The following HNF4G variants were observed in gnomAD, a reference collection of about 807,000 sequenced individuals.
The protein encoded by HNF4G is hepatocyte nuclear factor 4 gamma.
Under a neutral mutation model 50.9 loss-of-function variants are expected in HNF4G, and 21 were observed. The observed-to-expected ratio is 0.41, with a 90% CI of 0.29 to 0.59. HNF4G has a LOEUF of 0.59. HNF4G is among the 20% of genes least tolerant of loss of function. HNF4G has a pLI of 0.26. For synonymous variants in HNF4G, 198 were observed against 185.6 expected, an observed-to-expected ratio of 1.07 and a Z score of -0.54; for missense variants, 527 against 559.4, an observed-to-expected ratio of 0.94 and a Z score of 0.58.
At chr8:75,414,468 C>A (rs1000736650) in intron 1 of HNF4G, among the ~76,000 whole-genome samples, 6 of 152,100 alleles carry the variant, frequency 3.9e-5, no homozygotes, top group African/African-American at 1.4e-4. Flanking sequence ...GAAATCACCA[C>A]AGTAAAGATA....
At chr8:75,518,348 CA>C (rs760366818) in intron 2 of HNF4G, among the ~76,000 whole-genome samples, 7 of 151,882 alleles carry the variant, frequency 4.6e-5, no homozygotes, top group Non-Finnish European at 1.0e-4. Flanking sequence ...CATAGTATTC[CA>C]TGGAGAAATA....
At chr8:75,455,199 A>G (rs1191295361) in intron 1 of HNF4G, among the ~76,000 whole-genome samples, 1 of 152,146 alleles carries the variant, frequency 6.6e-6, no homozygotes, top group Non-Finnish European at 1.5e-5. Flanking sequence ...CTTCCTAACA[A>G]ATTAGTACTA....
intron 1 of HNF4G, among the ~76,000 whole-genome samples, chr8:75,473,174 T>G (rs2130637599): frequency 6.6e-6 from 1 of 152,016 alleles, no homozygotes; most frequent in African/African-American, 2.4e-5. Context: ...CCAGGCGTGG[T>G]TGTGGGTGCC....
intron 1 of HNF4G, among the ~76,000 whole-genome samples, chr8:75,459,022 A>G (rs760651132): frequency 1.3e-5 from 2 of 152,180 alleles, no homozygotes; most frequent in Non-Finnish European, 2.9e-5. Context: ...ATGAAATGTT[A>G]GGCATTTTAC....
chr8:75,480,273 G>A (rs34224212), intron 1 of HNF4G, among the ~76,000 whole-genome samples: 7,644 of 152,138 alleles, frequency 0.05, 269 homozygotes, highest in Non-Finnish European at 0.072. Context: ...TTTGAGCAGC[G>A]CACATTTTAA....
At chr8:75,496,469 G>T (rs75038957) in intron 2 of HNF4G, among the ~76,000 whole-genome samples, 1 of 151,808 alleles carries the variant, frequency 6.6e-6, no homozygotes, top group East Asian at 1.9e-4. Flanking sequence ...TCACTCAAAA[G>T]CTTGACGTTA....
At chr8:75,455,325 A>G (rs1811694853) in intron 1 of HNF4G, among the ~76,000 whole-genome samples, 2 of 152,184 alleles carry the variant, frequency 1.3e-5, no homozygotes, top group South Asian at 4.1e-4. Flanking sequence ...GTCTTTATCT[A>G]GAAAGATTGT....
intron 6 of HNF4G, among the ~76,000 whole-genome samples, chr8:75,557,655 C>T: frequency 6.6e-6 from 1 of 151,822 alleles, no homozygotes; most frequent in East Asian, 1.9e-4. Flanking sequence ...CATTGTACAC[C>T]TTAAATATAT....
intron 1 of HNF4G, among the ~76,000 whole-genome samples, chr8:75,478,299 T>C (rs981389757): frequency 6.6e-5 from 10 of 152,198 alleles, no homozygotes; most frequent in Non-Finnish European, 1.0e-4. Flanking sequence ...GAGTGACAAA[T>C]GGAATTTAAA....
At chr8:75,542,261 C>A (rs985839110) in intron 1 of HNF4G, among the ~76,000 whole-genome samples, 1 of 151,982 alleles carries the variant, frequency 6.6e-6, no homozygotes, top group Admixed American at 6.6e-5. Context: ...GCTAGGACTG[C>A]ACCACTGCAG....
At chr8:75,512,781 A>G (rs188993791) in intron 2 of HNF4G, among the ~76,000 whole-genome samples, 1 of 152,148 alleles carries the variant, frequency 6.6e-6, no homozygotes, top group Admixed American at 6.5e-5. Flanking sequence ...TTATTATTTT[A>G]ATCTTTTAAT....
rs1810449242 is a variant in HNF4G, at chr8:75,409,611, C to G, written c.-144+1449C>G. ...TCAAGCAATTCTCCTTCCTCAGCCT[C>G]CAGAGTAGCTGGGATTACAGGCGCC... On this transcript the variant is annotated intron_variant, in intron 1 of 10. Coordinates refer to the HNF4G transcript ENST00000354370. Among the ~76,000 whole-genome samples, 4 of 150,960 alleles carry G rather than the reference C, an allele frequency of 2.6e-5. No individual in the cohort carries two copies. The South Asian group carries it at 8.4e-4, about 32-fold the overall frequency.
At chr8:75,543,156 G>A (rs1275777482) in intron 1 of HNF4G, among the ~76,000 whole-genome samples, 2 of 152,116 alleles carry the variant, frequency 1.3e-5, no homozygotes, top group African/African-American at 2.4e-5. Context: ...GCAGTGAGCC[G>A]AGATCGCACC....
rs144813188 is a variant in HNF4G at position 75,408,928 on chromosome 8, T to C, written c.-144+766T>C. Among the ~76,000 whole-genome samples, 38 of 152,330 alleles carry C rather than the reference T, an allele frequency of 2.5e-4. 1 individual carries two copies. The East Asian group carries it at 7.3e-3, about 29-fold the overall frequency. ...TAGTTTCTTCTGCTTTCTCGTTAAT[T>C]TTACAGGTTTCCCTTCTCTCTTTAG... On this transcript the variant is annotated intron_variant, in intron 1 of 10. Transcript: ENST00000354370.
chr8:75,465,269 A>G (rs903097322), intron 1 of HNF4G, among the ~76,000 whole-genome samples: 4 of 152,198 alleles, frequency 2.6e-5, no homozygotes, highest in African/African-American at 9.6e-5. Flanking sequence ...ATGCTCACAA[A>G]TTAGATGATT....
At chr8:75,424,845 G>T (rs2980244) in intron 1 of HNF4G, among the ~76,000 whole-genome samples, 73,642 of 151,814 alleles carry the variant, frequency 0.49, 18,123 homozygotes, top group Middle Eastern at 0.57. Flanking sequence ...ATAGAGCTGC[G>T]ATGAACATAC....
chr8:75,438,728 T>A (rs375589498), intron 1 of HNF4G, among the ~76,000 whole-genome samples: 1 of 152,148 alleles, frequency 6.6e-6, no homozygotes, highest in Non-Finnish European at 1.5e-5. Context: ...AAAAACAATA[T>A]ATATAAAAGA....
chr8:75,522,186 G>A (rs1392217256), intron 2 of HNF4G, among the ~76,000 whole-genome samples: 2 of 152,128 alleles, frequency 1.3e-5, no homozygotes, highest in Non-Finnish European at 2.9e-5. Context: ...CAATTGTTAT[G>A]CTAGTATATT....
chr8:75,530,663 T>C (rs1204638090), intron 2 of HNF4G, among the ~76,000 whole-genome samples: 1 of 152,126 alleles, frequency 6.6e-6, no homozygotes, highest in East Asian at 1.9e-4. Flanking sequence ...ATGGTCCCTA[T>C]GGAGATCTAA....
Sources: allele counts gnomAD v4.1 joint callset (sites outside exome capture counted in the v4.1 genomes callset), GRCh38; gene constraint gnomAD v4.1.1; transcripts MANE v1.5; gene names NCBI Gene and HGNC (gene_info 2026-07-23, HGNC 2026-07-21).